Variants in DRC2 observed in about 807,000 individuals in gnomAD.
DRC2 encodes the protein coiled-coil domain containing 65.
At chr12:48,917,291 C>T in the DRC2 span, among the ~76,000 whole-genome samples, 2 of 111,920 alleles carry the variant, frequency 1.8e-5, no homozygotes, top group Non-Finnish European at 3.6e-5. Flanking sequence ...CCATCTCTAC[C>T]GGCCCCCCCA....
At chr12:48,918,840 C>G in the DRC2 span, 1 of 1,614,142 alleles carries the variant, frequency 6.2e-7, no homozygotes, top group African/African-American at 1.3e-5. Flanking sequence ...CCCAGAAGAA[C>G]TTAGTCAGAC....
the DRC2 span, among the ~76,000 whole-genome samples, chr12:48,916,232 G>A: frequency 7.2e-5 from 11 of 151,974 alleles, no homozygotes; most frequent in Middle Eastern, 3.4e-3. Context: ...TCGGCACTTC[G>A]GGAGGCCAAG....
chr12:48,905,274 C>T, the DRC2 span, among the ~76,000 whole-genome samples: 2 of 152,190 alleles, frequency 1.3e-5, no homozygotes, highest in Admixed American at 1.3e-4. Flanking sequence ...GAATATTGGG[C>T]TTTCATCCCT....
the DRC2 span, among the ~76,000 whole-genome samples, chr12:48,916,493 G>T: frequency 2.8e-4 from 42 of 151,284 alleles, no homozygotes; most frequent in Non-Finnish European, 5.3e-4. Flanking sequence ...GCAGGCACTC[G>T]GCAGGCTGAG....
At chr12:48,910,502 G>T in the DRC2 span, among the ~76,000 whole-genome samples, 1 of 152,150 alleles carries the variant, frequency 6.6e-6, no homozygotes, top group Non-Finnish European at 1.5e-5. Context: ...AAGGTGCCTG[G>T]ATCATGTGGG....
chr12:48,911,610 GAAA>G, the DRC2 span, among the ~76,000 whole-genome samples: 3 of 149,314 alleles, frequency 2.0e-5, no homozygotes, highest in East Asian at 5.9e-4. Flanking sequence ...GATCCGGTAA[GAAA>G]AAAAAAAGAG....
the DRC2 span, among the ~76,000 whole-genome samples, chr12:48,911,172 A>G: frequency 6.6e-6 from 1 of 152,196 alleles, no homozygotes; most frequent in Non-Finnish European, 1.5e-5. Context: ...CATATTGTCT[A>G]GCTCTCTTTT....
At chr12:48,908,570 GATTATTATT>G in the DRC2 span, among the ~76,000 whole-genome samples, 17,464 of 140,978 alleles carry the variant, frequency 0.12, 1,571 homozygotes, top group African/African-American at 0.25. Flanking sequence ...GAACTACCAG[GATTATTATT>G]ATTATTATTA....
the DRC2 span, chr12:48,904,168 G>A: frequency 8.6e-6 from 7 of 815,312 alleles, no homozygotes; most frequent in Non-Finnish European, 1.2e-5. Flanking sequence ...CAGCCTCACT[G>A]ATAGCCGGGG....
chr12:48,918,731 A>G, the DRC2 span: 1 of 1,613,970 alleles, frequency 6.2e-7, no homozygotes, highest in Non-Finnish European at 8.5e-7. Context: ...CACAGCCGTG[A>G]GAGTGAAGAT....
At chr12:48,909,626 C>T in the DRC2 span, among the ~76,000 whole-genome samples, 466 of 151,774 alleles carry the variant, frequency 3.1e-3, 1 homozygote, top group Non-Finnish European at 5.0e-3. Flanking sequence ...TACAGGCGTG[C>T]GCCACGACAC....
chr12:48,909,037 CTTT>C, the DRC2 span, among the ~76,000 whole-genome samples: 2 of 82,362 alleles, frequency 2.4e-5, no homozygotes, highest in African/African-American at 4.8e-5. Context: ...TTTTCTTTCT[CTTT>C]TTTTTTTTTT....
chr12:48,917,578 T>C, the DRC2 span, among the ~76,000 whole-genome samples: 1 of 152,216 alleles, frequency 6.6e-6, no homozygotes, highest in Non-Finnish European at 1.5e-5. Context: ...GTATCCCTAA[T>C]GCTTTTTGTA....
the DRC2 span, chr12:48,921,572 G>A: frequency 6.9e-7 from 1 of 1,454,022 alleles, no homozygotes; most frequent in Non-Finnish European, 9.0e-7. Flanking sequence ...TTTCCATGGA[G>A]TTTATGAGCT....
At chr12:48,911,728 G>C in the DRC2 span, among the ~76,000 whole-genome samples, 2 of 152,056 alleles carry the variant, frequency 1.3e-5, no homozygotes, top group Non-Finnish European at 2.9e-5. Context: ...GCCTCCCAAA[G>C]ATCTGGGATT....
the DRC2 span, among the ~76,000 whole-genome samples, chr12:48,914,095 T>TTTTG: frequency 7.9e-5 from 12 of 152,046 alleles, no homozygotes; most frequent in South Asian, 6.2e-4. Context: ...TTATGGGTTT[T>TTTTG]TTTGTTTGTT....
the DRC2 span, among the ~76,000 whole-genome samples, chr12:48,915,175 G>T: frequency 6.8e-6 from 1 of 147,712 alleles, no homozygotes; most frequent in South Asian, 2.1e-4. Context: ...ATTTGGCAGG[G>T]TCACAGGACA....
chr12:48,905,569 G>A, the DRC2 span, among the ~76,000 whole-genome samples: 75 of 152,096 alleles, frequency 4.9e-4, no homozygotes, highest in Admixed American at 3.3e-4. Context: ...AGTGGCCCTG[G>A]ATAAGGTTGA....
the DRC2 span, chr12:48,914,516 T>C: frequency 6.2e-7 from 1 of 1,614,168 alleles, no homozygotes; most frequent in Non-Finnish European, 8.5e-7. Context: ...CTCAGTCTCC[T>C]GGAGGAAAGT....
Sources: gnomAD v4.1 joint callset for allele counts (sites outside exome capture counted in the v4.1 genomes callset) on GRCh38, gnomAD v4.1.1 for gene constraint, MANE v1.5 for transcripts, NCBI Gene and HGNC (gene_info 2026-07-23, HGNC 2026-07-21) for gene names.